Variants in LRIF1 observed in about 807,000 individuals in gnomAD.
LRIF1 encodes the protein ligand-dependent nuclear receptor-interacting factor 1.
LRIF1 carries 32 observed loss-of-function variants against 52.7 expected under a neutral mutation model. That is an observed-to-expected ratio of 0.61 (90% CI 0.46 to 0.82). The LOEUF is 0.82. LRIF1 is among the 40% of genes least tolerant of loss of function. The probability of loss-of-function intolerance (pLI) is 0.00; values close to 1 mark genes in which losing one functional copy is unlikely to be tolerated. For missense variants in LRIF1, 887 were observed against 892.0 expected (o/e 0.99, Z 0.07); for synonymous variants, 323 against 317.4 (o/e 1.02, Z -0.19).
the LRIF1 span, among the ~76,000 whole-genome samples, chr1:110,878,217 T>C: frequency 6.6e-6 from 1 of 152,206 alleles, no homozygotes; most frequent in Non-Finnish European, 1.5e-5. Flanking sequence ...CAGTGAACTA[T>C]CTATTATGTA....
the LRIF1 span, among the ~76,000 whole-genome samples, chr1:110,885,347 G>C: frequency 6.6e-6 from 1 of 151,886 alleles, no homozygotes; most frequent in East Asian, 1.9e-4. Context: ...TCAGGAGATC[G>C]AGACCACGGG....
chr1:110,912,273 A>G, the LRIF1 span, among the ~76,000 whole-genome samples: 3 of 151,894 alleles, frequency 2.0e-5, no homozygotes, highest in Non-Finnish European at 4.4e-5. Flanking sequence ...GTGCAGTGGC[A>G]TGATCTTGGC....
the LRIF1 span, among the ~76,000 whole-genome samples, chr1:110,923,414 G>C: frequency 6.6e-6 from 1 of 152,120 alleles, no homozygotes; most frequent in East Asian, 1.9e-4. Flanking sequence ...TGGGGAAGGG[G>C]CATTATTAGT....
At chr1:110,962,467 G>A (rs1375213538) in intron 1 of LRIF1, among the ~76,000 whole-genome samples, 2 of 151,948 alleles carry the variant, frequency 1.3e-5, no homozygotes. Flanking sequence ...CATTACTTAC[G>A]GTCTTTATTG....
the LRIF1 span, chr1:110,892,540 C>T: frequency 1.2e-6 from 2 of 1,608,944 alleles, no homozygotes; most frequent in Non-Finnish European, 1.7e-6. Context: ...GTCGGTGAGT[C>T]CTTACAGCAG....
the LRIF1 span, among the ~76,000 whole-genome samples, chr1:110,922,921 T>G: frequency 1.3e-5 from 2 of 152,216 alleles, no homozygotes; most frequent in African/African-American, 4.8e-5. Context: ...AACATTGCCT[T>G]ATCTCCTCCA....
rs745437825 is a variant in LRIF1, at chr1:110,950,012, A to G, written c.1708T>C (p.Phe570Leu). 2.5e-6 allele frequency: 4 copies of G among 1,614,004 alleles called. No individual in the cohort carries two copies. The highest frequency in any genetic ancestry group is 3.4e-6 in the Non-Finnish European group (4 of 1,180,026). Residue 570 changes from phenylalanine to leucine, a missense_variant, in exon 3 of 4, where the codon TTT (phenylalanine) becomes CTT (leucine). Transcript: ENST00000369763. ...KALHLKSDAEFKKIFGLTKDL... is the reference protein window; with the variant it reads ...KALHLKSDAELKKIFGLTKDL... ...TTAGTAAGGCCAAATATCTTTTTAAATTCAGCATCACTCTTCAGATGTAAT... is the reference window on the plus strand; with the variant it reads ...TTAGTAAGGCCAAATATCTTTTTAAGTTCAGCATCACTCTTCAGATGTAAT...
At chr1:110,893,847 G>A in the LRIF1 span, among the ~76,000 whole-genome samples, 11 of 152,162 alleles carry the variant, frequency 7.2e-5, no homozygotes, top group South Asian at 2.1e-4. Flanking sequence ...AGTAAGCATC[G>A]AAAGCTGGAA....
At chr1:110,900,009 C>T in the LRIF1 span, 1 of 152,618 alleles carries the variant, frequency 6.6e-6, no homozygotes, top group African/African-American at 2.4e-5. Flanking sequence ...TATTAATTGT[C>T]TCCTGCTGCA....
chr1:110,905,459 T>C, the LRIF1 span, among the ~76,000 whole-genome samples: 1 of 151,816 alleles, frequency 6.6e-6, no homozygotes, highest in Non-Finnish European at 1.5e-5. Context: ...GTGGAAACCT[T>C]ACAGGCCGAG....
chr1:110,889,314 T>A, the LRIF1 span, among the ~76,000 whole-genome samples: 1 of 151,780 alleles, frequency 6.6e-6, no homozygotes, highest in African/African-American at 2.4e-5. Context: ...CCCAACACTT[T>A]GGGAGGCTGA....
At chr1:110,898,369 T>C in the LRIF1 span, among the ~76,000 whole-genome samples, 3 of 130,108 alleles carry the variant, frequency 2.3e-5, no homozygotes, top group African/African-American at 5.6e-5. Flanking sequence ...AGAGCGAGAC[T>C]CTGTCTCCAG....
intron 1 of LRIF1, among the ~76,000 whole-genome samples, chr1:110,959,517 TGAG>T (rs2101121997): frequency 6.6e-6 from 1 of 152,120 alleles, no homozygotes; most frequent in South Asian, 2.1e-4. Context: ...CTTGGGAGGC[TGAG>T]GTGGGCGGAT....
the LRIF1 span, chr1:110,894,445 G>A: frequency 6.9e-7 from 1 of 1,446,276 alleles, no homozygotes; most frequent in Non-Finnish European, 9.7e-7. Context: ...TACTGAAAGT[G>A]GGGAGTATGC....
chr1:110,892,494 C>T, the LRIF1 span: 62 of 1,614,146 alleles, frequency 3.8e-5, no homozygotes, highest in Non-Finnish European at 5.3e-5. Context: ...TCCTGGGCTG[C>T]ATGGGCTCTA....
At chr1:110,949,483 G>C (rs868279801) in intron 3 of LRIF1, among the ~76,000 whole-genome samples, 1 of 149,628 alleles carries the variant, frequency 6.7e-6, no homozygotes, top group African/African-American at 2.5e-5. Context: ...GCAATGGTGC[G>C]ATCTCGGTTC....
the LRIF1 span, among the ~76,000 whole-genome samples, chr1:110,903,210 A>G: frequency 6.6e-6 from 1 of 152,208 alleles, no homozygotes; most frequent in South Asian, 2.1e-4. Flanking sequence ...AGGATTGCAA[A>G]TCTTAGGTAA....
the LRIF1 span, chr1:110,939,732 G>T: frequency 6.6e-6 from 1 of 152,014 alleles, no homozygotes; most frequent in African/African-American, 2.4e-5. Context: ...AATATACTGG[G>T]GAAAAGACAT....
chr1:110,944,655 T>C (rs1276044764), downstream of LRIF1: 2 of 152,156 alleles, frequency 1.3e-5, no homozygotes, highest in African/African-American at 2.4e-5. Flanking sequence ...AATGAAAGTA[T>C]ATCAAGGAGA....
Sources: gnomAD v4.1 joint callset for allele counts (sites outside exome capture counted in the v4.1 genomes callset) on GRCh38, gnomAD v4.1.1 for gene constraint, MANE v1.5 for transcripts, NCBI Gene and HGNC (gene_info 2026-07-23, HGNC 2026-07-21) for gene names.